CAST: variants seen among roughly 807,000 people sequenced by gnomAD.
CAST encodes the protein MIR583 host.
Under a neutral mutation model 119.6 loss-of-function variants are expected in CAST, and 76 were observed. The observed-to-expected ratio is 0.64, with a 90% CI of 0.53 to 0.77. The LOEUF (loss-of-function observed/expected upper bound fraction) is 0.77. Among genes scored for constraint, CAST ranks in the 30% least tolerant of loss-of-function variants. CAST has a pLI of 0.00. For synonymous variants in CAST, 319 were observed against 331.6 expected (o/e 0.96, Z 0.41); for missense variants, 953 against 946.5 (o/e 1.01, Z -0.09).
chr5:96,716,000 G>T (rs545390233), intron 3 of CAST, among the ~76,000 whole-genome samples: 2 of 152,102 alleles, frequency 1.3e-5, no homozygotes, highest in Non-Finnish European at 2.9e-5. Flanking sequence ...TCTATTGCAG[G>T]TCTCTTTAAA....
At chr5:96,075,402 C>G in the CAST span, among the ~76,000 whole-genome samples, 1 of 152,136 alleles carries the variant, frequency 6.6e-6, no homozygotes, top group South Asian at 2.1e-4. Context: ...TTCATGGTAT[C>G]CTAGTTATCA....
intron 16 of CAST, among the ~76,000 whole-genome samples, chr5:96,746,105 G>C (rs965846935): frequency 6.6e-6 from 1 of 152,208 alleles, no homozygotes; most frequent in Non-Finnish European, 1.5e-5. Context: ...GCAGCTGGGA[G>C]CAGAACAGGG....
the CAST span, among the ~76,000 whole-genome samples, chr5:96,032,260 G>T: frequency 6.6e-6 from 1 of 152,102 alleles, no homozygotes; most frequent in Non-Finnish European, 1.5e-5. Flanking sequence ...AACTAGGGTT[G>T]AAGCCAAAAT....
intron 4 of CAST, among the ~76,000 whole-genome samples, chr5:96,723,778 T>C (rs1758738212): frequency 6.6e-6 from 1 of 152,236 alleles, no homozygotes; most frequent in Non-Finnish European, 1.5e-5. Context: ...CCAATATTCT[T>C]TAATACCTTT....
At chr5:96,298,031 T>C in the CAST span, among the ~76,000 whole-genome samples, 1 of 152,236 alleles carries the variant, frequency 6.6e-6, no homozygotes, top group South Asian at 2.1e-4. Flanking sequence ...TTACCACATA[T>C]ACAGATCTGT....
chr5:96,326,721 T>C, the CAST span, among the ~76,000 whole-genome samples: 2 of 80,318 alleles, frequency 2.5e-5, no homozygotes, highest in Non-Finnish European at 5.4e-5. Flanking sequence ...TTTTTTTTTG[T>C]CTTCAGCATC....
At chr5:96,583,806 G>C (rs1442538012) in intron 1 of CAST, among the ~76,000 whole-genome samples, 1 of 152,172 alleles carries the variant, frequency 6.6e-6, no homozygotes, top group African/African-American at 2.4e-5. Flanking sequence ...ATTGTTACTT[G>C]ATTTTTCAGT....
At chr5:96,293,961 T>C in the CAST span, among the ~76,000 whole-genome samples, 1 of 152,114 alleles carries the variant, frequency 6.6e-6, no homozygotes, top group African/African-American at 2.4e-5. Context: ...GGTTTCACCA[T>C]GTTGGCCAGG....
At chr5:96,699,715 G>C (rs1402289576) in intron 3 of CAST, among the ~76,000 whole-genome samples, 1 of 152,220 alleles carries the variant, frequency 6.6e-6, no homozygotes, top group African/African-American at 2.4e-5. Flanking sequence ...ATCTGGGGGT[G>C]TGAGTCTTCT....
At chr5:96,512,618 C>G in the CAST span, among the ~76,000 whole-genome samples, 1 of 152,172 alleles carries the variant, frequency 6.6e-6, no homozygotes, top group Non-Finnish European at 1.5e-5. Context: ...ATTTGATTTT[C>G]TAGCATCATA....
intron 24 of CAST, among the ~76,000 whole-genome samples, chr5:96,759,605 G>C (rs1767248368): frequency 6.6e-6 from 1 of 151,888 alleles, no homozygotes; most frequent in African/African-American, 2.4e-5. Context: ...AAGCATACCA[G>C]GAAATGAAAA....
At chr5:96,332,072 G>A in the CAST span, among the ~76,000 whole-genome samples, 1 of 152,166 alleles carries the variant, frequency 6.6e-6, no homozygotes, top group African/African-American at 2.4e-5. Context: ...CTGGGATAAA[G>A]GAGGCCTCAG....
chr5:96,451,086 C>T, the CAST span, among the ~76,000 whole-genome samples: 12 of 152,112 alleles, frequency 7.9e-5, no homozygotes, highest in Admixed American at 7.2e-4. Context: ...TCTTTCCTTG[C>T]AGCACTTAAT....
At chr5:96,724,896 T>C (rs1365642436) in intron 4 of CAST, among the ~76,000 whole-genome samples, 2 of 152,174 alleles carry the variant, frequency 1.3e-5, no homozygotes, top group Admixed American at 6.5e-5. Context: ...AGAAAAGAGA[T>C]AGGAAAGAGA....
At position 96,673,131 on chromosome 5, in the gene CAST, C is replaced by T. The variant is rs369600472; in HGVS notation, c.76-2408C>T. Among the ~76,000 whole-genome samples the T allele has an allele frequency of 1.1e-4, 16 of 152,130 alleles. No individual in the cohort carries two copies. The East Asian group carries it at 2.3e-3, about 22-fold the overall frequency. ...TGAGGCACTCAAAATAGTAAACACC[C>T]AATAAAACAGTGGCTATTATTATTA... is the stretch of plus-strand genomic sequence containing the variant. On this transcript the variant is annotated intron_variant, in intron 1 of 31. Coordinates refer to ENST00000675179, the MANE Select transcript of CAST (RefSeq NM_001750.7).
rs770862712 is a variant in CAST at position 96,763,353 on chromosome 5, T to TATGTGC, written c.1932+999_1932+1004dup. 1,438 of 737,558 alleles carry TATGTGC rather than the reference T, an allele frequency of 1.9e-3. 2 individuals are homozygous for TATGTGC. Among genetic ancestry groups the TATGTGC allele is most frequent in the Non-Finnish European group, 2.5e-3 (979 of 395,728 alleles). The allele number at this position is 737,558 out of a possible 1,614,324, so 45.7% of individuals were successfully genotyped here. Reference sequence around the variant, plus strand: ...ACCAGTAAAATGCCCCGTGTGTGTGTATGTGCATGTGCATGTGCATGTGTG... The same window carrying TATGTGC: ...ACCAGTAAAATGCCCCGTGTGTGTGTATGTGCATGTGCATGTGCATGTGCATGTGTG... On this transcript the variant is annotated intron_variant, in intron 25 of 31. Transcript: ENST00000675179.
the CAST span, among the ~76,000 whole-genome samples, chr5:96,429,504 G>A: frequency 6.6e-6 from 1 of 151,928 alleles, no homozygotes; most frequent in Non-Finnish European, 1.5e-5. Context: ...TTGTTACATA[G>A]GTAAACTTGT....
the CAST span, among the ~76,000 whole-genome samples, chr5:96,421,556 GGAATT>G: frequency 6.6e-6 from 1 of 152,170 alleles, no homozygotes; most frequent in Non-Finnish European, 1.5e-5. Context: ...GATTCATAGA[GGAATT>G]GAGGGGAGGG....
At chr5:96,084,904 G>A in the CAST span, among the ~76,000 whole-genome samples, 54 of 152,288 alleles carry the variant, frequency 3.5e-4, 1 homozygote, top group African/African-American at 1.3e-3. Context: ...AAGCAGAGAG[G>A]ACAAAAACAA....
Sources: gnomAD v4.1 joint callset for allele counts (sites outside exome capture counted in the v4.1 genomes callset) on GRCh38, gnomAD v4.1.1 for gene constraint, MANE v1.5 for transcripts, NCBI Gene and HGNC (gene_info 2026-07-23, HGNC 2026-07-21) for gene names.